The following PCDHGA6 variants were observed in gnomAD, a reference collection of about 807,000 sequenced individuals.
PCDHGA6 encodes protocadherin gamma subfamily A, 6.
PCDHGA6 carries 41 observed loss-of-function variants against 60.6 expected under a neutral mutation model. That is an observed-to-expected ratio of 0.68 (90% CI 0.53 to 0.88). The LOEUF is 0.88. Ranked by LOEUF, PCDHGA6 falls within the 40% of genes least tolerant of loss-of-function variation. The pLI, the probability that PCDHGA6 is intolerant of heterozygous loss-of-function variation, is 0.00. For synonymous variants in PCDHGA6, 594 were observed against 524.4 expected, an observed-to-expected ratio of 1.13 and a Z score of -1.81; for missense variants, 1,312 against 1,203.0, an observed-to-expected ratio of 1.09 and a Z score of -1.34.
chr5:141,478,520 G>A, intron 1 of PCDHGA6: 1 of 1,610,510 alleles, frequency 6.2e-7, no homozygotes, highest in Non-Finnish European at 8.5e-7. Context: ...GCAGGTGTTG[G>A]GTGCAGAGAG....
At chr5:141,438,631 TATATACAC>T (rs1213304454) in intron 1 of PCDHGA6, among the ~76,000 whole-genome samples, 683 of 43,114 alleles carry the variant, frequency 0.016, 2 homozygotes, top group African/African-American at 0.049. Context: ...TATATATATA[TATATACAC>T]ACACACACAC....
chr5:141,458,540 TTTTG>T (rs754668779), intron 1 of PCDHGA6, among the ~76,000 whole-genome samples: 43 of 150,468 alleles, frequency 2.9e-4, no homozygotes, highest in East Asian at 1.7e-3. Context: ...ATCAACTTTA[TTTTG>T]TTTGTTTGTT....
chr5:141,415,264 C>T, intron 1 of PCDHGA6: 3 of 1,614,210 alleles, frequency 1.9e-6, no homozygotes, highest in South Asian at 1.1e-5. Flanking sequence ...CACTCTGTAC[C>T]TGGTGGTAGC....
At chr5:141,453,652 T>C (rs1302902554) in intron 1 of PCDHGA6, among the ~76,000 whole-genome samples, 1 of 152,252 alleles carries the variant, frequency 6.6e-6, no homozygotes, top group Non-Finnish European at 1.5e-5. Context: ...TTATGTCCTC[T>C]TCTTTCTTAC....
intron 1 of PCDHGA6, chr5:141,415,060 G>C (rs1428839232): frequency 1.2e-6 from 2 of 1,613,426 alleles, no homozygotes; most frequent in Admixed American, 1.7e-5. Flanking sequence ...GCACACGGGC[G>C]AGGTGCGCAC....
intron 1 of PCDHGA6, among the ~76,000 whole-genome samples, chr5:141,453,061 T>G (rs1351911724): frequency 6.6e-6 from 1 of 152,102 alleles, no homozygotes; most frequent in Non-Finnish European, 1.5e-5. Context: ...AGTTTTAGAG[T>G]TTTGCCACAC....
chr5:141,470,871 T>C (rs1036871133), intron 1 of PCDHGA6, among the ~76,000 whole-genome samples: 1 of 151,822 alleles, frequency 6.6e-6, no homozygotes, highest in Admixed American at 6.6e-5. Flanking sequence ...TGTTTGTTTG[T>C]TTTTTTGTTT....
At chr5:141,382,983 A>G (rs1377762297) in intron 1 of PCDHGA6, 4 of 1,612,430 alleles carry the variant, frequency 2.5e-6, no homozygotes, top group Non-Finnish European at 3.4e-6. Flanking sequence ...AAGCCTGGGC[A>G]GGACGTATTC....
chr5:141,390,239 C>T (rs769717528), intron 1 of PCDHGA6: 1 of 1,614,022 alleles, frequency 6.2e-7, no homozygotes, highest in Admixed American at 1.7e-5. Flanking sequence ...CATCTGGGGC[C>T]TTATTTCCAC....
intron 1 of PCDHGA6, chr5:141,383,815 G>T (rs1221512502): frequency 1.2e-6 from 2 of 1,613,964 alleles, no homozygotes; most frequent in Non-Finnish European, 1.7e-6. Context: ...AACTTTAGAA[G>T]GATTAGATTA....
Position 141,374,340 on chromosome 5 carries a change from C to T in PCDHGA6, c.257C>T (p.Thr86Ile). 1 of 1,614,016 alleles carries T rather than the reference C, an allele frequency of 6.2e-7. No homozygotes were observed. The highest frequency in any genetic ancestry group is 8.5e-7 in the Non-Finnish European group (1 of 1,179,884). ...SLNPRNGSLV[T>I]AGRIDREELC... ...AATCCGCGAAACGGCAGCTTGGTCA[C>T]CGCGGGTAGGATAGACCGCGAGGAG... The change falls in exon 1 of 4, where the codon ACC becomes ATC. Residue 86 changes from threonine (T) to isoleucine (I), a missense_variant. By Grantham distance (89) the Thr-to-Ile change is moderately conservative (BLOSUM62 -1). Transcript: ENST00000517434.
intron 1 of PCDHGA6, among the ~76,000 whole-genome samples, chr5:141,429,387 T>TAA (rs11410533): frequency 2.6e-5 from 4 of 151,334 alleles, no homozygotes; most frequent in African/African-American, 4.9e-5. Flanking sequence ...GTTTTTTTTT[T>TAA]AAAAAAAATT....
chr5:141,398,266 G>C, intron 1 of PCDHGA6: 1 of 1,439,368 alleles, frequency 6.9e-7, no homozygotes, highest in Non-Finnish European at 9.5e-7. Flanking sequence ...GGGCTCCGTA[G>C]TGGGGAACCT....
chr5:141,466,992 A>ATTT (rs985433044), intron 1 of PCDHGA6, among the ~76,000 whole-genome samples: 1 of 148,706 alleles, frequency 6.7e-6, no homozygotes, highest in African/African-American at 2.5e-5. Flanking sequence ...ACCTTTTGGC[A>ATTT]TTTTTTTGCA....
chr5:141,382,890 C>A, intron 1 of PCDHGA6: 2 of 1,532,810 alleles, frequency 1.3e-6, no homozygotes, highest in Non-Finnish European at 1.8e-6. Flanking sequence ...GCAAGAGAAG[C>A]AGGACGACTA....
rs768079276 is a variant in PCDHGA6, at chr5:141,490,997, G to A, written c.2425-3810G>A. On this transcript the variant is annotated intron_variant, in intron 1 of 3. Transcript: ENST00000517434. The surrounding 1 kb of genome is among the most constrained non-coding windows in gnomAD (Gnocchi z 5.4). ...CGTCTCCCTCGCTCTGCTCCTCCTG[G>A]CTCCTTGGTCACCAAGGTGACAGCC... 1.2e-6 allele frequency: 2 copies of A among 1,614,032 alleles called. No individual in the cohort carries two copies. Among genetic ancestry groups the A allele is most frequent in the Admixed American group, 1.7e-5 (1 of 60,030 alleles).
At chr5:141,466,583 C>T (rs2099125595) in intron 1 of PCDHGA6, among the ~76,000 whole-genome samples, 1 of 152,184 alleles carries the variant, frequency 6.6e-6, no homozygotes, top group Admixed American at 6.6e-5. Flanking sequence ...CTCATCCCTT[C>T]TTAAAACAAG....
chr5:141,421,751 C>T (rs751678934), intron 1 of PCDHGA6: 1 of 1,613,932 alleles, frequency 6.2e-7, no homozygotes, highest in South Asian at 1.1e-5. Context: ...CAGCTCAGCC[C>T]TAATAATTAC....
Position 141,413,313 on chromosome 5 carries a change from C to T in PCDHGA6, c.2424+36806C>T, listed in dbSNP as rs1346034749. The T allele has an allele frequency of 1.9e-6, 3 of 1,613,842 alleles. No homozygotes were observed. The African/African-American group carries it at 4.0e-5, about 22-fold the overall frequency. On this transcript the variant is annotated intron_variant, in intron 1 of 3. Transcript: ENST00000517434. The stretch of plus-strand genomic sequence containing the variant: ...CAATTCCTGAGGAATTAGAGAAAGG[C>T]TCTTTCGTGGGCAACATCTCCAAGG...
Sources: allele counts gnomAD v4.1 joint callset (sites outside exome capture counted in the v4.1 genomes callset), GRCh38; gene constraint gnomAD v4.1.1; non-coding constraint Gnocchi (gnomAD v3.1); transcripts MANE v1.5; gene names NCBI Gene and HGNC (gene_info 2026-07-23, HGNC 2026-07-21).